SEL1L3: variants seen among roughly 807,000 people sequenced by gnomAD.
SEL1L3 encodes the protein protein sel-1 homolog 3.
Under a neutral mutation model 142.8 loss-of-function variants are expected in SEL1L3, and 76 were observed. That is an observed-to-expected ratio of 0.53 (90% confidence interval 0.44 to 0.64). The LOEUF (loss-of-function observed/expected upper bound fraction) is 0.64. SEL1L3 is among the 30% of genes least tolerant of loss of function. The pLI is 0.00. For synonymous variants in SEL1L3, 504 were observed against 519.6 expected, an observed-to-expected ratio of 0.97 and a Z score of 0.41; for missense variants, 1,262 against 1,381.7, an observed-to-expected ratio of 0.91 and a Z score of 1.37.
intron 20 of SEL1L3, among the ~76,000 whole-genome samples, chr4:25,764,610 G>A (rs1335332596): frequency 1.3e-5 from 2 of 152,186 alleles, no homozygotes; most frequent in African/African-American, 2.4e-5. Flanking sequence ...TACTGTGGAT[G>A]CACTGCTAAT....
intron 20 of SEL1L3, among the ~76,000 whole-genome samples, chr4:25,760,549 C>G (rs939356074): frequency 6.6e-6 from 1 of 152,166 alleles, no homozygotes; most frequent in Non-Finnish European, 1.5e-5. Context: ...GCAACCTCAC[C>G]GGCACCTGTT....
downstream of SEL1L3, among the ~76,000 whole-genome samples, chr4:25,746,513 T>TATATATATATATATTTAA (rs1717267951): frequency 8.3e-6 from 1 of 120,236 alleles, no homozygotes; most frequent in African/African-American, 3.2e-5. Flanking sequence ...TCTAAATATA[T>TATATATATATATATTTAA]ATATATATAT....
At position 25,747,983 on chromosome 4, in the gene SEL1L3, T is replaced by C. The variant is rs569740592; in HGVS notation, c.*442A>G. ...TCAATTCAGCTTTGAGGAACAGGGC[T>C]GTGGCAAGCACAGGTACCAAAATAT... On this transcript the variant is annotated 3_prime_UTR_variant, in exon 24 of 24. Transcript: ENST00000399878. 1 of 155,586 alleles carries C rather than the reference T, an allele frequency of 6.4e-6. No individual in the cohort carries two copies. Among genetic ancestry groups the C allele is most frequent in the South Asian group, 2.0e-4 (1 of 5,000 alleles). The allele number at this position is 155,586 out of a possible 1,614,324, so 9.6% of individuals were successfully genotyped here. A position where few individuals can be genotyped will look rare whatever the true frequency, so the allele number is the denominator to read the frequency against.
the SEL1L3 span, among the ~76,000 whole-genome samples, chr4:25,733,675 C>T: frequency 2.6e-4 from 40 of 152,116 alleles, 1 homozygote; most frequent in East Asian, 7.0e-3. Context: ...CGCGCACCAC[C>T]GCGCCCGGCT....
intron 2 of SEL1L3, among the ~76,000 whole-genome samples, chr4:25,845,421 A>G (rs1716447258): frequency 6.6e-6 from 1 of 152,196 alleles, no homozygotes; most frequent in African/African-American, 2.4e-5. Context: ...GTTTGAGCCC[A>G]GGATGTTGAG....
At chr4:25,765,519 G>GCGC in intron 19 of SEL1L3, 84 bp from the exon 20 acceptor site, 4 of 844,432 alleles carry the variant, frequency 4.7e-6, no homozygotes, top group Non-Finnish European at 8.0e-6. Context: ...TCACATGAAT[G>GCGC]CAAGTTTTTC....
chr4:25,779,798 G>A (rs1471693116), intron 15 of SEL1L3, among the ~76,000 whole-genome samples: 2 of 152,150 alleles, frequency 1.3e-5, no homozygotes, highest in Non-Finnish European at 2.9e-5. Context: ...TGAGGCAGTT[G>A]GCTATTGTTT....
chr4:25,854,774 T>C (rs747335772), intron 1 of SEL1L3, among the ~76,000 whole-genome samples: 22 of 152,246 alleles, frequency 1.4e-4, no homozygotes, highest in African/African-American at 3.9e-4. Flanking sequence ...CATTTTGCTA[T>C]TGTTTCTTTC....
intron 7 of SEL1L3, among the ~76,000 whole-genome samples, chr4:25,821,104 T>C (rs778635212): frequency 3.7e-4 from 56 of 152,236 alleles, no homozygotes; most frequent in Non-Finnish European, 7.6e-4. Flanking sequence ...TCTCAACACC[T>C]AGTTCAAAGC....
intron 2 of SEL1L3, among the ~76,000 whole-genome samples, chr4:25,845,353 G>A (rs938399625): frequency 6.6e-6 from 1 of 152,120 alleles, no homozygotes. Flanking sequence ...AAAATAAACT[G>A]GGTGTGGTGG....
intron 17 of SEL1L3, among the ~76,000 whole-genome samples, chr4:25,771,838 C>T (rs899367819): frequency 2.2e-4 from 34 of 152,196 alleles, no homozygotes; most frequent in African/African-American, 6.3e-4. Flanking sequence ...CTAACTTCTT[C>T]GAGTGTCCGA....
At chr4:25,772,919 T>A (rs1330858147) in intron 17 of SEL1L3, among the ~76,000 whole-genome samples, 2 of 152,170 alleles carry the variant, frequency 1.3e-5, no homozygotes, top group Non-Finnish European at 2.9e-5. Flanking sequence ...TGCCTCAGCC[T>A]CCCGAGTAGC....
chr4:25,850,063 C>G (rs541221220), intron 1 of SEL1L3, among the ~76,000 whole-genome samples: 1 of 152,202 alleles, frequency 6.6e-6, no homozygotes, highest in Admixed American at 6.5e-5. Context: ...ATAAGCCGGG[C>G]AAGAGGCAGG....
chr4:25,784,220 T>TG lies in SEL1L3; in HGVS notation c.2280+7dup. ...AACTGTTTCCCTCTGACAATATGCA[T>TG]GTGTTACCTTGGAAGCTGCTTTCTT... On this transcript the variant is annotated splice_region_variant and intron_variant, in intron 14 of 23. Transcript: ENST00000399878. 1 of 1,609,020 alleles carries TG rather than the reference T, an allele frequency of 6.2e-7. No individual in the cohort carries two copies. Among genetic ancestry groups the TG allele is most frequent in the Non-Finnish European group, 8.5e-7 (1 of 1,175,404 alleles).
At chr4:25,851,887 C>CA (rs35600659) in intron 1 of SEL1L3, among the ~76,000 whole-genome samples, 17,855 of 58,842 alleles carry the variant, frequency 0.3, 2,780 homozygotes, top group African/African-American at 0.51. Context: ...GACTCTGTCT[C>CA]AAAAAAAAAA....
rs878987592 is a variant in SEL1L3, at chr4:25,790,395, C to A, written c.2076+60G>T. On this transcript the variant is annotated intron_variant, in intron 12 of 23. Coordinates refer to ENST00000399878, the MANE Select transcript of SEL1L3 (RefSeq NM_015187.5). ...TGCAGTTTGAGATGTTTCATTACCACGGTATAACCCAGTCTATCATGGCTG... is the reference window on the plus strand; with the variant it reads ...TGCAGTTTGAGATGTTTCATTACCAAGGTATAACCCAGTCTATCATGGCTG... 6 of 1,544,754 alleles carry A rather than the reference C, an allele frequency of 3.9e-6. No individual in the cohort carries two copies. In the African/African-American group the frequency reaches 8.2e-5, roughly 21 times the overall value.
chr4:25,757,026 A>G (rs2109119046), intron 23 of SEL1L3: 1 of 1,045,496 alleles, frequency 9.6e-7, no homozygotes, highest in Non-Finnish European at 1.2e-6. Context: ...CCAGCACTTC[A>G]GGAGGATGAG....
At chr4:25,808,717 C>T (rs1000668207) in intron 9 of SEL1L3, among the ~76,000 whole-genome samples, 5 of 152,216 alleles carry the variant, frequency 3.3e-5, no homozygotes, top group Middle Eastern at 6.8e-3. Flanking sequence ...TCCTCATTTG[C>T]ACTCTGACCT....
chr4:25,729,651 C>T, the SEL1L3 span, among the ~76,000 whole-genome samples: 1 of 152,158 alleles, frequency 6.6e-6, no homozygotes, highest in Non-Finnish European at 1.5e-5. Context: ...AAGGTGGAGT[C>T]TGCAGTGAGC....
Sources: gnomAD v4.1 joint callset for allele counts (sites outside exome capture counted in the v4.1 genomes callset) on GRCh38, gnomAD v4.1.1 for gene constraint, MANE v1.5 for transcripts, NCBI Gene and HGNC (gene_info 2026-07-23, HGNC 2026-07-21) for gene names.